The following LINGO1 variants were observed in gnomAD, a reference collection of about 807,000 sequenced individuals.
The protein encoded by LINGO1 is leucine-rich repeat and immunoglobulin-like domain-containing nogo receptor-interacting protein 1.
A neutral mutation model predicts 37.3 loss-of-function variants in LINGO1; 11 were observed. The ratio of observed to expected loss-of-function variants is 0.29; its 90% CI spans 0.19 to 0.49. LINGO1 has a LOEUF of 0.49. Among genes scored for constraint, LINGO1 ranks in the 20% least tolerant of loss-of-function variants. The probability of loss-of-function intolerance (pLI) is 0.99; values close to 1 mark genes in which losing one functional copy is unlikely to be tolerated. For synonymous variants in LINGO1, 387 were observed against 403.0 expected, an observed-to-expected ratio of 0.96 and a Z score of 0.48; for missense variants, 585 against 878.2, an observed-to-expected ratio of 0.67 and a Z score of 4.22.
chr15:77,703,790 C>T (rs991618304), intron 2 of LINGO1, among the ~76,000 whole-genome samples: 6 of 152,132 alleles, frequency 3.9e-5, no homozygotes, highest in Non-Finnish European at 8.8e-5. Flanking sequence ...CTGCATGCCT[C>T]AGACCTTGCA....
chr15:77,695,068 G>C (rs577126448), intron 1 of LINGO1, among the ~76,000 whole-genome samples: 1 of 152,346 alleles, frequency 6.6e-6, no homozygotes, highest in South Asian at 2.1e-4. Context: ...CCAAGTGGGA[G>C]CATCTCACTT....
intron 2 of LINGO1, among the ~76,000 whole-genome samples, chr15:77,681,334 C>A (rs571294241): frequency 6.6e-6 from 1 of 152,038 alleles, no homozygotes; most frequent in Admixed American, 6.5e-5. Flanking sequence ...AGCATTTGCT[C>A]AGATAAGCTT....
At chr15:77,816,141 G>A (rs568946682) in intron 1 of LINGO1, among the ~76,000 whole-genome samples, 17 of 152,306 alleles carry the variant, frequency 1.1e-4, no homozygotes, top group Middle Eastern at 3.4e-3. Flanking sequence ...CTCCCCCACT[G>A]AGCCTCTTGG....
At chr15:77,669,983 T>C (rs1422533655) in intron 3 of LINGO1, among the ~76,000 whole-genome samples, 1 of 152,164 alleles carries the variant, frequency 6.6e-6, no homozygotes, top group Non-Finnish European at 1.5e-5. Flanking sequence ...AAATGTGTGA[T>C]AGCCATACGA....
At chr15:77,620,586 C>A (rs925468955) in intron 1 of LINGO1, among the ~76,000 whole-genome samples, 12 of 152,280 alleles carry the variant, frequency 7.9e-5, no homozygotes, top group Non-Finnish European at 1.5e-4. Flanking sequence ...CTGGCCTGCA[C>A]AGTAAGGGCT....
At chr15:77,701,013 G>A (rs1357441690), upstream of LINGO1, among the ~76,000 whole-genome samples, 2 of 152,184 alleles carry the variant, frequency 1.3e-5, no homozygotes, top group Non-Finnish European at 1.5e-5. Context: ...CCCCTGCTAT[G>A]TGCACTCCTA....
intron 1 of LINGO1, among the ~76,000 whole-genome samples, chr15:77,746,777 T>A (rs1002607734): frequency 1.3e-5 from 2 of 152,112 alleles, no homozygotes; most frequent in African/African-American, 4.8e-5. Context: ...CTGGGGGGTG[T>A]ATCCATCTTA....
At position 77,764,813 on chromosome 15, in the gene LINGO1, A is replaced by G. The variant is rs577028882; in HGVS notation, c.-257+22056T>C. Among the ~76,000 whole-genome samples the G allele has an allele frequency of 1.2e-4, 18 of 152,344 alleles. No individual in the cohort carries two copies. The South Asian group carries it at 3.7e-3, about 32-fold the overall frequency. On this transcript the variant is annotated intron_variant, in intron 1 of 3. Transcript: ENST00000561686. ...CCTACCACAGAGCAGTTCCACTCCAAGAGTCTCCCACATGCACAAGGGGAA... is the reference window on the plus strand; with the variant it reads ...CCTACCACAGAGCAGTTCCACTCCAGGAGTCTCCCACATGCACAAGGGGAA...
At chr15:77,727,811 C>A (rs988342583) in intron 2 of LINGO1, among the ~76,000 whole-genome samples, 1 of 151,934 alleles carries the variant, frequency 6.6e-6, no homozygotes, top group Non-Finnish European at 1.5e-5. Flanking sequence ...AACTAGCACT[C>A]AGAGAGGTGA....
At chr15:77,742,157 CACA>C (rs2076271002) in intron 1 of LINGO1, among the ~76,000 whole-genome samples, 4 of 152,220 alleles carry the variant, frequency 2.6e-5, no homozygotes, top group African/African-American at 9.7e-5. Context: ...GACTGAGCCC[CACA>C]AGCCTAGCTC....
intron 1 of LINGO1, among the ~76,000 whole-genome samples, chr15:77,623,049 G>A (rs888402415): frequency 1.3e-5 from 2 of 152,136 alleles, no homozygotes; most frequent in Non-Finnish European, 2.9e-5. Context: ...ACACTCCCAG[G>A]CCCTGCCTGC....
chr15:77,667,131 G>C (rs958193083), intron 3 of LINGO1: 5 of 152,400 alleles, frequency 3.3e-5, no homozygotes, highest in African/African-American at 1.2e-4. Flanking sequence ...TAGCCTTTCT[G>C]ATCCTAACAG....
At chr15:77,816,545 A>C (rs1239070675) in intron 1 of LINGO1, among the ~76,000 whole-genome samples, 2 of 152,162 alleles carry the variant, frequency 1.3e-5, no homozygotes, top group Admixed American at 6.5e-5. Context: ...CAAATATAGC[A>C]GGGTCAGGTC....
At chr15:77,722,892 G>A (rs766365764) in intron 2 of LINGO1, among the ~76,000 whole-genome samples, 5 of 152,156 alleles carry the variant, frequency 3.3e-5, no homozygotes, top group Admixed American at 6.5e-5. Flanking sequence ...GCAGTAACCC[G>A]GGGAGGGCAG....
chr15:77,802,036 G>A (rs1159816017), intron 1 of LINGO1, among the ~76,000 whole-genome samples: 1 of 152,184 alleles, frequency 6.6e-6, no homozygotes, highest in Non-Finnish European at 1.5e-5. Flanking sequence ...GGGGCTTCAA[G>A]GCTCCAGTGC....
intron 2 of LINGO1, among the ~76,000 whole-genome samples, chr15:77,710,607 C>T (rs971443289): frequency 6.6e-5 from 10 of 152,342 alleles, no homozygotes; most frequent in Admixed American, 4.6e-4. Context: ...TTCTGCTGGG[C>T]GTCTCTGCCA....
At chr15:77,647,930 T>A (rs556619666) in intron 3 of LINGO1, 14 of 456,548 alleles carry the variant, frequency 3.1e-5, no homozygotes, top group African/African-American at 2.2e-4. Context: ...CTATGAAAAT[T>A]GGTGCCACCA....
upstream of LINGO1, among the ~76,000 whole-genome samples, chr15:77,698,004 G>C (rs950586602): frequency 3.3e-5 from 5 of 152,194 alleles, no homozygotes; most frequent in Non-Finnish European, 5.9e-5. Flanking sequence ...CCAGAGTCTG[G>C]ATTCGTGCTT....
intron 1 of LINGO1, among the ~76,000 whole-genome samples, chr15:77,779,625 G>A (rs1950406736): frequency 6.6e-6 from 1 of 152,128 alleles, no homozygotes; most frequent in South Asian, 2.1e-4. Context: ...AAAATCTAAA[G>A]GCTCCACTGA....
Sources: gnomAD v4.1 joint callset for allele counts (sites outside exome capture counted in the v4.1 genomes callset) on GRCh38, gnomAD v4.1.1 for gene constraint, MANE v1.5 for transcripts, NCBI Gene and HGNC (gene_info 2026-07-23, HGNC 2026-07-21) for gene names.